MPHOSPH10: variants seen among roughly 807,000 people sequenced by gnomAD.
The protein encoded by MPHOSPH10 is U3 small nucleolar ribonucleoprotein MPP10.
In MPHOSPH10, 33 loss-of-function variants were observed where a neutral mutation model predicts 77.3. That is an observed-to-expected ratio of 0.43 (90% CI 0.32 to 0.57). The LOEUF (loss-of-function observed/expected upper bound fraction) is 0.57, where lower values mean the gene tolerates loss of function less well. MPHOSPH10 is among the 20% of genes least tolerant of loss of function. MPHOSPH10 has a pLI of 0.07. For synonymous variants in MPHOSPH10, 245 were observed against 268.0 expected, an observed-to-expected ratio of 0.91 and a Z score of 0.84; for missense variants, 708 against 780.1, an observed-to-expected ratio of 0.91 and a Z score of 1.10.
intron 10 of MPHOSPH10, 85 bp downstream of exon 10, chr2:71,149,538 C>A: frequency 7.9e-7 from 1 of 1,263,206 alleles, no homozygotes; most frequent in Non-Finnish European, 1.1e-6. Context: ...AATGTCTGAG[C>A]CAGCTGACAG....
intron 8 of MPHOSPH10, among the ~76,000 whole-genome samples, chr2:71,146,368 CTG>C (rs1220976488): frequency 3.8e-5 from 5 of 131,708 alleles, no homozygotes; most frequent in African/African-American, 1.4e-4. Context: ...CAGAATCTCA[CTG>C]TGTTGCCCAG....
At chr2:71,131,136 C>A (rs966984462) in intron 1 of MPHOSPH10, among the ~76,000 whole-genome samples, 2 of 152,168 alleles carry the variant, frequency 1.3e-5, no homozygotes, top group Non-Finnish European at 2.9e-5. Flanking sequence ...CTGTCCACCC[C>A]CCATGACTAA....
In MPHOSPH10 at chr2:71,149,251, C is replaced by T; in HGVS notation, c.1694C>T (p.Thr565Ile). The T allele has an allele frequency of 6.3e-7, 1 of 1,581,910 alleles. No homozygotes were observed. Among genetic ancestry groups the T allele is most frequent in the Non-Finnish European group, 8.6e-7 (1 of 1,164,730 alleles). The change falls in exon 10 of 11, where the codon ACA (threonine) becomes ATA (isoleucine). Residue 565 changes from threonine to isoleucine, a missense_variant. Physicochemically the swap from Thr to Ile is moderately conservative, Grantham distance 89 (BLOSUM62 -1). Coordinates refer to ENST00000244230, the MANE Select transcript of MPHOSPH10 (RefSeq NM_005791.3). ...AAAAATAAAGCTGGAGATATAAAAA[C>T]AGCTGCTGAAAAAACAGCTACAGAC... is the stretch of plus-strand genomic sequence containing the variant. ...KEKNKAGDIK[T>I]AAEKTATDKK...
chr2:71,146,771 T>C (rs1324720427), intron 8 of MPHOSPH10, among the ~76,000 whole-genome samples: 1 of 152,250 alleles, frequency 6.6e-6, no homozygotes. Flanking sequence ...CTCATTTTTC[T>C]CTCACTTAGA....
At chr2:71,139,043 A>G in intron 5 of MPHOSPH10, 2 of 388,856 alleles carry the variant, frequency 5.1e-6, no homozygotes, top group Non-Finnish European at 9.4e-6. Context: ...ACTCTGTCAA[A>G]AAAGAAAAAA....
At position 71,134,379 on chromosome 2, in the gene MPHOSPH10, G is replaced by T. The variant is rs373930713; in HGVS notation, c.927-247G>T. 6.6e-5 allele frequency among the ~76,000 whole-genome samples: 10 copies of T among 152,292 alleles called. No individual in the cohort carries two copies. In the East Asian group the frequency reaches 1.3e-3, roughly 21 times the overall value. ...ATCCTGTTATTTTTGTGAGATAAGA[G>T]ATTTGTATTATAGATTGATGAATAA... On this transcript the variant is annotated intron_variant, in intron 3 of 10. Coordinates refer to ENST00000244230, the MANE Select transcript of MPHOSPH10 (RefSeq NM_005791.3).
Position 71,139,795 on chromosome 2 carries a change from C to T in MPHOSPH10, c.1241C>T (p.Ala414Val). Residue 414 changes from alanine (A) to valine (V), a missense_variant and splice_region_variant, in exon 6 of 11, where the codon GCA (alanine) becomes GTA (valine). Around this residue, in one of 3 missense-constraint regions of MPHOSPH10, gnomAD observed 263 missense variants for 320.0 expected, o/e 0.82. Transcript: ENST00000244230. ...TLHFDHAVRM[A>V]PVITEETTLQ... Reference sequence around the variant, plus strand: ...TGAATAAACGTTGTATATCCTTTAGCACCTGTGATTACAGAGGAAACCACC... The same window carrying T: ...TGAATAAACGTTGTATATCCTTTAGTACCTGTGATTACAGAGGAAACCACC... 2 of 1,604,854 alleles carry T rather than the reference C, an allele frequency of 1.2e-6. No homozygotes were observed. The highest frequency in any genetic ancestry group is 1.7e-6 in the Non-Finnish European group (2 of 1,173,284).
intron 7 of MPHOSPH10, 23 bp from the exon 8 acceptor site, chr2:71,144,405 C>A: frequency 1.9e-6 from 3 of 1,558,504 alleles, no homozygotes; most frequent in Admixed American, 1.7e-5. Flanking sequence ...CTTAGTTTGA[C>A]ATTGTTGAAC....
At position 71,133,428 on chromosome 2, in the gene MPHOSPH10, T is replaced by C; in HGVS notation, c.620T>C (p.Leu207Pro). The C allele has an allele frequency of 6.2e-7, 1 of 1,613,718 alleles. No individual in the cohort carries two copies. Among genetic ancestry groups the C allele is most frequent in the Non-Finnish European group, 8.5e-7 (1 of 1,179,926 alleles). ...KSIVDDKFFK[L>P]SEMEAYLENI... Reference sequence around the variant, plus strand: ...ATAGTAGATGATAAATTCTTCAAACTCTCTGAAATGGAGGCCTATTTAGAA... The same window carrying C: ...ATAGTAGATGATAAATTCTTCAAACCCTCTGAAATGGAGGCCTATTTAGAA... The change falls in exon 2 of 11, where the codon CTC becomes CCC. Residue 207 changes from leucine to proline, a missense_variant. Physicochemically the swap from Leu to Pro is moderately conservative, Grantham distance 98 (BLOSUM62 -3). Transcript: ENST00000244230.
Position 71,133,490 on chromosome 2 carries a change from G to T in MPHOSPH10, c.682G>T (p.Asp228Tyr). The stretch of plus-strand genomic sequence containing the variant: ...AGAAGAGGAACGAAAAGATGATAAT[G>T]ATGAGGAGGAGGAAGATATTGATTT... ...EKEEERKDDN[D>Y]EEEEDIDFFE... is the part of the protein sequence containing the mutation. The change falls in exon 2 of 11, where the codon GAT (aspartate) becomes TAT (tyrosine). Residue 228 changes from aspartate to tyrosine, a missense_variant. By Grantham distance (160) the Asp-to-Tyr change is radical. Coordinates refer to ENST00000244230, the MANE Select transcript of MPHOSPH10 (RefSeq NM_005791.3). The T allele has an allele frequency of 6.2e-7, 1 of 1,613,474 alleles. No individual in the cohort carries two copies. The highest frequency in any genetic ancestry group is 1.1e-5 in the South Asian group (1 of 91,026).
chr2:71,146,502 A>AT (rs1428985171), intron 8 of MPHOSPH10, among the ~76,000 whole-genome samples: 2 of 151,740 alleles, frequency 1.3e-5, no homozygotes, highest in Non-Finnish European at 2.9e-5. Context: ...CGGCTGGCTA[A>AT]TTTTTTTGTA....
At chr2:71,141,048 C>T (rs1673600617) in intron 6 of MPHOSPH10, among the ~76,000 whole-genome samples, 184 bp from the exon 7 acceptor site, 2 of 150,772 alleles carry the variant, frequency 1.3e-5, no homozygotes, top group Non-Finnish European at 1.5e-5. Context: ...AATTTGCTTA[C>T]TCTGTAATAA....
intron 4 of MPHOSPH10, 143 bp from the exon 5 acceptor site, chr2:71,138,347 T>C (rs1673535719): frequency 9.0e-6 from 6 of 669,088 alleles, no homozygotes; most frequent in Admixed American, 3.1e-5. Flanking sequence ...TAGGAAGTCA[T>C]CGACAGAATA....
intron 5 of MPHOSPH10, 73 bp from the exon 6 acceptor site, chr2:71,139,721 TG>T: frequency 1.0e-6 from 1 of 1,002,620 alleles, no homozygotes; most frequent in Non-Finnish European, 1.5e-6. Flanking sequence ...GCTGATGCTG[TG>T]GGTCCAAGGA....
intron 3 of MPHOSPH10, 38 bp from the exon 4 acceptor site, chr2:71,134,588 G>A (rs1349368645): frequency 2.6e-6 from 4 of 1,540,098 alleles, no homozygotes; most frequent in East Asian, 4.5e-5. Flanking sequence ...CTAATGGAAA[G>A]TAGTATATTT....
intron 8 of MPHOSPH10, among the ~76,000 whole-genome samples, chr2:71,146,203 C>G (rs1255031515): frequency 2.0e-5 from 3 of 152,096 alleles, no homozygotes; most frequent in African/African-American, 7.2e-5. Flanking sequence ...AAAAGCCTTT[C>G]TTTTTTCCCT....
chr2:71,133,385 A>C lies in MPHOSPH10; in HGVS notation c.577A>C (p.Lys193Gln), dbSNP rs142307654. The change falls in exon 2 of 11, where the codon AAA becomes CAA. Residue 193 changes from lysine to glutamine, a missense_variant. Lys to Gln is a moderately conservative substitution (Grantham distance 53, BLOSUM62 1). Coordinates refer to ENST00000244230, the MANE Select transcript of MPHOSPH10 (RefSeq NM_005791.3). Reference sequence around the variant, plus strand: ...CAAGGTGCAAAACAAAGGACAGGGAAAACCAAGAGAAAAGTCCATAGTAGA... The same window carrying C: ...CAAGGTGCAAAACAAAGGACAGGGACAACCAAGAGAAAAGTCCATAGTAGA... ...QSKVQNKGQG[K>Q]PREKSIVDDK... is the part of the protein sequence containing the mutation. The C allele has an allele frequency of 7.4e-6, 12 of 1,614,170 alleles. No individual in the cohort carries two copies. Among genetic ancestry groups the C allele is most frequent in the Non-Finnish European group, 1.0e-5 (12 of 1,180,004 alleles).
chr2:71,148,273 A>G (rs562395372), intron 9 of MPHOSPH10, 167 bp downstream of exon 9: 6 of 581,386 alleles, frequency 1.0e-5, no homozygotes, highest in Non-Finnish European at 1.8e-5. Flanking sequence ...TTCAAATACC[A>G]GTCTCCTATA....
chr2:71,149,835 C>A, intron 10 of MPHOSPH10, 31 bp from the exon 11 acceptor site: 1 of 1,496,620 alleles, frequency 6.7e-7, no homozygotes, highest in Non-Finnish European at 8.9e-7. Context: ...GTACATTTTA[C>A]AGCATAAGCA....
Sources: gnomAD v4.1 joint callset for allele counts (sites outside exome capture counted in the v4.1 genomes callset) on GRCh38, gnomAD v4.1.1 for gene constraint, gnomAD v4.1.1 regional missense constraint, MANE v1.5 for transcripts, NCBI Gene and HGNC (gene_info 2026-07-23, HGNC 2026-07-21) for gene names.